Variants in IREB2 observed in about 807,000 individuals in gnomAD.
IREB2 encodes the protein iron-responsive element-binding protein 2.
IREB2 carries 39 observed loss-of-function variants against 118.8 expected under a neutral mutation model. The observed-to-expected ratio is 0.33, with a 90% CI of 0.25 to 0.43. The LOEUF (loss-of-function observed/expected upper bound fraction) is 0.43, where lower values mean the gene tolerates loss of function less well. Among genes scored for constraint, IREB2 ranks in the 20% least tolerant of loss-of-function variants. The pLI, the probability that IREB2 is intolerant of heterozygous loss-of-function variation, is 1.00. For synonymous variants in IREB2, 372 were observed against 392.2 expected (o/e 0.95, Z 0.61); for missense variants, 900 against 1,147.3 (o/e 0.78, Z 3.11).
chr15:78,484,737 A>T, intron 11 of IREB2, 24 bp from the exon 12 acceptor site: 1 of 1,581,418 alleles, frequency 6.3e-7, no homozygotes, highest in East Asian at 2.2e-5. Flanking sequence ...TATTTAGTTT[A>T]TATTTTTGTG....
chr15:78,439,191 C>T (rs1251888746), intron 1 of IREB2, among the ~76,000 whole-genome samples: 1 of 152,160 alleles, frequency 6.6e-6, no homozygotes, highest in Non-Finnish European at 1.5e-5. Flanking sequence ...GAAGACTTGT[C>T]TCTTTCGGGT....
Position 78,438,364 on chromosome 15 carries a change from T to C in IREB2, c.19+8T>C. 6.3e-7 allele frequency: 1 copy of C among 1,597,190 alleles called. No individual in the cohort carries two copies. The highest frequency in any genetic ancestry group is 8.5e-7 in the Non-Finnish European group (1 of 1,172,686). On this transcript the variant is annotated splice_region_variant and intron_variant, in intron 1 of 21. Transcript: ENST00000258886. Reference sequence around the variant, plus strand: ...TGGACGCCCCAAAAGCAGGTCAGTTTCGGGCCTCCGAGCTGGGTCTGGCAG... The same window carrying C: ...TGGACGCCCCAAAAGCAGGTCAGTTCCGGGCCTCCGAGCTGGGTCTGGCAG...
At chr15:78,442,927 C>T (rs55983731) in intron 2 of IREB2, among the ~76,000 whole-genome samples, 44,371 of 151,952 alleles carry the variant, frequency 0.29, 6,839 homozygotes, top group Middle Eastern at 0.4. Flanking sequence ...TAAAAGCCCT[C>T]TCCAGGGGCT....
At chr15:78,476,735 G>T (rs984731150) in intron 9 of IREB2, 1 of 154,184 alleles carries the variant, frequency 6.5e-6, no homozygotes, top group African/African-American at 2.4e-5. Context: ...AGACAAAGGG[G>T]TTTGGGGACC....
At chr15:78,491,995 C>T (rs2051759358) in intron 18 of IREB2, among the ~76,000 whole-genome samples, 1 of 152,094 alleles carries the variant, frequency 6.6e-6, no homozygotes, top group Non-Finnish European at 1.5e-5. Flanking sequence ...ATTATGCCTC[C>T]TGATATGTAT....
rs370419673 is a variant in IREB2 at position 78,467,085 on chromosome 15, C to G, written c.629+596C>G. On this transcript the variant is annotated intron_variant, in intron 5 of 21. Transcript: ENST00000258886. ...ATTACCCGGGTGTGGTGTCGCGCCC[C>G]TGTGGTCCCAGCTAGTCAGGAGGCT... is the stretch of plus-strand genomic sequence containing the variant. 1.3e-4 allele frequency among the ~76,000 whole-genome samples: 19 copies of G among 151,868 alleles called. No individual in the cohort carries two copies. In the East Asian group the frequency reaches 3.3e-3, roughly 27 times the overall value.
Sources: gnomAD v4.1 joint callset for allele counts (sites outside exome capture counted in the v4.1 genomes callset) on GRCh38, gnomAD v4.1.1 for gene constraint, MANE v1.5 for transcripts, NCBI Gene and HGNC (gene_info 2026-07-23, HGNC 2026-07-21) for gene names.